The following MYH14 variants were observed in gnomAD, a reference collection of about 807,000 sequenced individuals.
The protein encoded by MYH14 is myosin-14.
In MYH14, 123 loss-of-function variants were observed where a neutral mutation model predicts 255.5. The ratio of observed to expected loss-of-function variants is 0.48; its 90% CI spans 0.42 to 0.56. The LOEUF is 0.56. Ranked by LOEUF, MYH14 falls within the 20% of genes least tolerant of loss-of-function variation. MYH14 has a pLI of 0.00. For synonymous variants in MYH14, 1,095 were observed against 1,161.2 expected, an observed-to-expected ratio of 0.94 and a Z score of 1.16; for missense variants, 2,423 against 2,802.3, an observed-to-expected ratio of 0.86 and a Z score of 3.06.
intron 7 of MYH14, 142 bp from the exon 8 acceptor site, chr19:50,226,761 A>T: frequency 1.3e-6 from 1 of 749,776 alleles, no homozygotes; most frequent in South Asian, 1.7e-5. Flanking sequence ...TCACCACAGG[A>T]TGGGGTTCAG....
chr19:50,225,519 G>T, intron 6 of MYH14, 66 bp from the exon 7 acceptor site: 2 of 1,285,790 alleles, frequency 1.6e-6, no homozygotes, highest in Non-Finnish European at 2.2e-6. Flanking sequence ...CACAGCCCGA[G>T]CTGGGCTGGC....
intron 10 of MYH14, among the ~76,000 whole-genome samples, chr19:50,233,359 G>A (rs1381213123): frequency 6.6e-6 from 1 of 152,000 alleles, no homozygotes; most frequent in Non-Finnish European, 1.5e-5. Context: ...TAGTAGACAT[G>A]GGGTTTCACC....
At chr19:50,263,699 CAGAACTT>C (rs2034973647) in intron 22 of MYH14, among the ~76,000 whole-genome samples, 1 of 152,152 alleles carries the variant, frequency 6.6e-6, no homozygotes, top group Non-Finnish European at 1.5e-5. Flanking sequence ...GAAGGACTCA[CAGAACTT>C]AGAAAAGCTG....
rs2032925822 is a variant in MYH14, at chr19:50,223,230, C to T, written c.591-17C>T. The T allele has an allele frequency of 1.9e-6, 3 of 1,612,832 alleles. No homozygotes were observed. Among genetic ancestry groups the T allele is most frequent in the Admixed American group, 1.7e-5 (1 of 59,956 alleles). ...GGTCATTGCCAACCCCTTTGCTTCCCCTTGTCATCCCCACAGTGGAGAGTC... is the reference window on the plus strand; with the variant it reads ...GGTCATTGCCAACCCCTTTGCTTCCTCTTGTCATCCCCACAGTGGAGAGTC... On this transcript the variant is annotated splice_polypyrimidine_tract_variant and intron_variant, in intron 4 of 42. Transcript: ENST00000642316.
intron 1 of MYH14, among the ~76,000 whole-genome samples, chr19:50,207,312 A>AGAGAGG (rs1438345270): frequency 1.3e-5 from 2 of 148,248 alleles, no homozygotes; most frequent in Non-Finnish European, 3.0e-5. Flanking sequence ...AGAGAGAGAG[A>AGAGAGG]GACTAGGGGC....
chr19:50,304,701 G>T (rs556941669), intron 40 of MYH14, among the ~76,000 whole-genome samples: 1 of 152,166 alleles, frequency 6.6e-6, no homozygotes, highest in Non-Finnish European at 1.5e-5. Flanking sequence ...TACCATGTCT[G>T]GTGGGATTCC....
At chr19:50,262,414 C>T (rs987736723) in intron 21 of MYH14, among the ~76,000 whole-genome samples, 3 of 151,606 alleles carry the variant, frequency 2.0e-5, no homozygotes, top group East Asian at 3.9e-4. Flanking sequence ...AAAAATTAGC[C>T]GTAATCCCAG....
rs1219288110 is a variant in MYH14, at chr19:50,250,153, T to G, written c.1656+330T>G. 4.6e-5 allele frequency among the ~76,000 whole-genome samples: 7 copies of G among 152,190 alleles called. No individual in the cohort carries two copies. ...TCTCGCTCTATCGCCCAGGCTGGAG[T>G]GCAGCGGCGCGATCTCTGCTTACTG... On this transcript the variant is annotated intron_variant, in intron 14 of 42. Transcript: ENST00000642316. The surrounding 1 kb of genome is among the most constrained non-coding windows in gnomAD (Gnocchi z 5.4).
chr19:50,262,875 T>C (rs2123358918), intron 21 of MYH14, among the ~76,000 whole-genome samples: 1 of 151,996 alleles, frequency 6.6e-6, no homozygotes, highest in East Asian at 1.9e-4. Flanking sequence ...CTGCACACAG[T>C]AGGCATTTTA....
In MYH14 at chr19:50,301,713, C is replaced by T; in HGVS notation, c.5522C>T (p.Ala1841Val). 1.2e-6 allele frequency: 2 copies of T among 1,613,896 alleles called. No individual in the cohort carries two copies. Among genetic ancestry groups the T allele is most frequent in the East Asian group, 2.2e-5 (1 of 44,876 alleles). The change falls in exon 40 of 43, where the codon GCA becomes GTA. Residue 1841 changes from alanine (A) to valine (V), a missense_variant. This residue lies in a region of MYH14 where 1,513 missense variants were observed against 1,674.8 expected (regional missense o/e 0.90). Coordinates refer to ENST00000642316, the MANE Select transcript of MYH14 (RefSeq NM_001145809.2). Reference protein sequence around the residue: ...LSAERSFSAKAESGRQQLERQ... With the variant: ...LSAERSFSAKVESGRQQLERQ... ...GCTGAGCGCAGTTTCTCAGCCAAGG[C>T]AGAGAGCGGGCGGCAGCAGCTGGAA...
chr19:50,252,629 C>G lies in MYH14; in HGVS notation c.1831-10C>G, dbSNP rs1476795016. The G allele has an allele frequency of 1.9e-6, 3 of 1,553,736 alleles. No individual in the cohort carries two copies. In the African/African-American group the frequency reaches 4.1e-5, roughly 21 times the overall value. ...CAAGTCATCGCCCTCCTCTACCTGA[C>G]TTCATTCAGGTCGACTACAAGGCCA... On this transcript the variant is annotated splice_polypyrimidine_tract_variant and intron_variant, in intron 15 of 42. Coordinates refer to ENST00000642316, the MANE Select transcript of MYH14 (RefSeq NM_001145809.2). This position sits in a 1 kb window ranked among gnomAD's most constrained non-coding sequence, Gnocchi z 4.2.
intron 33 of MYH14, among the ~76,000 whole-genome samples, chr19:50,282,788 G>A (rs1259163389): frequency 1.3e-5 from 2 of 152,058 alleles, no homozygotes; most frequent in African/African-American, 2.4e-5. Flanking sequence ...GCTGACTTAC[G>A]ATTTCTCTCT....
chr19:50,306,811 A>T (rs569523369), intron 40 of MYH14, among the ~76,000 whole-genome samples: 33 of 152,370 alleles, frequency 2.2e-4, no homozygotes, highest in Admixed American at 1.3e-3. Context: ...TATAACTCAC[A>T]ACATCATAGG....
chr19:50,299,037 GC>G (rs2036383591), intron 39 of MYH14, among the ~76,000 whole-genome samples: 2 of 152,036 alleles, frequency 1.3e-5, no homozygotes, highest in Admixed American at 6.6e-5. Context: ...GCTGCAGTGA[GC>G]TATGATTGTG....
chr19:50,248,435 C>A (rs113958531), intron 12 of MYH14, among the ~76,000 whole-genome samples: 225 of 152,204 alleles, frequency 1.5e-3, no homozygotes, highest in African/African-American at 5.3e-3. Context: ...CGACCACAGG[C>A]CAGGGAGGGT....
chr19:50,210,436 C>T lies in MYH14; in HGVS notation c.71C>T (p.Ala24Val), dbSNP rs751017391. 1.9e-5 allele frequency: 29 copies of T among 1,553,928 alleles called. No individual in the cohort carries two copies. The highest frequency in any genetic ancestry group is 2.3e-5 in the Non-Finnish European group (26 of 1,150,618). Residue 24 changes from alanine to valine, a missense_variant, in exon 2 of 43, where the codon GCC becomes GTC. Transcript: ENST00000642316. ...AGGCCGGGCCCAGTGCCCGAGGCGGCCCAGCCGTTCCTGTTCACGCCCCGC... is the reference window on the plus strand; with the variant it reads ...AGGCCGGGCCCAGTGCCCGAGGCGGTCCAGCCGTTCCTGTTCACGCCCCGC... ...PPRPGPVPEA[A>V]QPFLFTPRGP... is the part of the protein sequence containing the mutation.
At position 50,289,672 on chromosome 19, in the gene MYH14, G is replaced by A. The variant is rs200838082; in HGVS notation, c.4965+24G>A. ...AGGTATTGTCACACAGAAGGCCACAGGGTGCCAGTCCAGCTGGGGTATGCC... is the reference window on the plus strand; with the variant it reads ...AGGTATTGTCACACAGAAGGCCACAAGGTGCCAGTCCAGCTGGGGTATGCC... On this transcript the variant is annotated intron_variant, in intron 35 of 42. Transcript: ENST00000642316. 5 of 1,587,220 alleles carry A rather than the reference G, an allele frequency of 3.2e-6. No individual in the cohort carries two copies. The Admixed American group carries it at 7.1e-5, about 22-fold the overall frequency.
intron 8 of MYH14, among the ~76,000 whole-genome samples, chr19:50,229,068 C>T (rs1170471927): frequency 6.6e-6 from 1 of 152,176 alleles, no homozygotes; most frequent in Non-Finnish European, 1.5e-5. Context: ...CTGCTGCTAT[C>T]ACCCCCGCTT....
chr19:50,307,142 C>T lies in MYH14; in HGVS notation c.5772C>T (p.Asp1924=), dbSNP rs2036681089. 2 of 1,547,632 alleles carry T rather than the reference C, an allele frequency of 1.3e-6. No homozygotes were observed. The highest frequency in any genetic ancestry group is 1.7e-6 in the Non-Finnish European group (2 of 1,145,180). The change falls in exon 41 of 43, where the codon GAC becomes GAT. Residue 1924 remains aspartate, a synonymous_variant. Transcript: ENST00000642316. Reference sequence around the variant, plus strand: ...TGGAGGAGGAGCGGAGGGTGGCTGACCAGCTCCGGGACCAGGTAAGCAGCT... The same window carrying T: ...TGGAGGAGGAGCGGAGGGTGGCTGATCAGCTCCGGGACCAGGTAAGCAGCT... The part of the protein sequence containing the change: ...LQVEEERRVA[D]QLRDQLEKGN...
Sources: gnomAD v4.1 joint callset for allele counts (sites outside exome capture counted in the v4.1 genomes callset) on GRCh38, gnomAD v4.1.1 for gene constraint, gnomAD v4.1.1 regional missense constraint, Gnocchi (gnomAD v3.1) non-coding constraint, MANE v1.5 for transcripts, NCBI Gene and HGNC (gene_info 2026-07-23, HGNC 2026-07-21) for gene names.